DOCK3: variants seen among roughly 807,000 people sequenced by gnomAD.
DOCK3 encodes the protein dedicator of cytokinesis protein 3.
In DOCK3, 60 loss-of-function variants were observed where a neutral mutation model predicts 265.6. The ratio of observed to expected loss-of-function variants is 0.23; its 90% CI spans 0.18 to 0.28. The LOEUF (loss-of-function observed/expected upper bound fraction) is 0.28, where lower values mean the gene tolerates loss of function less well. Among genes scored for constraint, DOCK3 ranks in the 10% least tolerant of loss-of-function variants. DOCK3 has a pLI of 1.00. For missense variants in DOCK3, 1,981 were observed against 2,594.3 expected, an observed-to-expected ratio of 0.76 and a Z score of 5.14; for synonymous variants, 881 against 938.0, an observed-to-expected ratio of 0.94 and a Z score of 1.11.
At chr3:50,678,295 G>A (rs987317919) in intron 1 of DOCK3, among the ~76,000 whole-genome samples, 3 of 152,050 alleles carry the variant, frequency 2.0e-5, no homozygotes, top group Admixed American at 6.5e-5. Flanking sequence ...GGAAAGTCCT[G>A]CATCCTTCCA....
intron 3 of DOCK3, among the ~76,000 whole-genome samples, chr3:50,866,313 C>T (rs1431251335): frequency 1.3e-5 from 2 of 152,044 alleles, no homozygotes; most frequent in African/African-American, 4.8e-5. Context: ...GGTGAAATCC[C>T]GTCTCTACTA....
intron 27 of DOCK3, among the ~76,000 whole-genome samples, chr3:51,290,697 G>C (rs1157125678): frequency 6.6e-6 from 1 of 151,928 alleles, no homozygotes; most frequent in Non-Finnish European, 1.5e-5. Context: ...ATATATAAAA[G>C]AAAAAAGACA....
intron 7 of DOCK3, among the ~76,000 whole-genome samples, chr3:51,082,979 G>A (rs990902427): frequency 1.1e-4 from 17 of 152,098 alleles, no homozygotes; most frequent in African/African-American, 3.6e-4. Context: ...GTACCACCAC[G>A]GGGCCTGAGT....
intron 38 of DOCK3, among the ~76,000 whole-genome samples, chr3:51,343,203 G>C (rs992811171): frequency 1.3e-5 from 2 of 152,176 alleles, no homozygotes; most frequent in Non-Finnish European, 2.9e-5. Flanking sequence ...GAAGGGCAAG[G>C]AAAGAAAGGA....
At chr3:51,203,738 G>A (rs1411990596) in intron 12 of DOCK3, among the ~76,000 whole-genome samples, 3 of 152,180 alleles carry the variant, frequency 2.0e-5, no homozygotes, top group Non-Finnish European at 4.4e-5. Flanking sequence ...CAAAGCTGGA[G>A]GCATCACGCT....
chr3:50,788,653 T>A lies in DOCK3; in HGVS notation c.121+9895T>A, dbSNP rs146426014. On this transcript the variant is annotated intron_variant, in intron 2 of 52. Coordinates refer to ENST00000266037, the MANE Select transcript of DOCK3 (RefSeq NM_004947.5). ...AGGCTGGCCCCTCACTCCTGCCCAA[T>A]GTCTGTCCTCAGGACTGCTCCTCAG... is the stretch of plus-strand genomic sequence containing the variant. Among the ~76,000 whole-genome samples the A allele has an allele frequency of 2.0e-5, 3 of 152,322 alleles. No individual in the cohort carries two copies. In the East Asian group the frequency reaches 5.8e-4, roughly 29 times the overall value.
intron 1 of DOCK3, among the ~76,000 whole-genome samples, chr3:50,745,417 G>C (rs1161090962): frequency 1.3e-5 from 2 of 152,156 alleles, no homozygotes; most frequent in African/African-American, 4.8e-5. Context: ...TTAACAATAA[G>C]TCTTCCAATC....
chr3:51,042,905 A>T (rs1362100133), intron 5 of DOCK3, among the ~76,000 whole-genome samples: 1 of 152,158 alleles, frequency 6.6e-6, no homozygotes, highest in African/African-American at 2.4e-5. Context: ...AAAGATCTCT[A>T]CAAAGAGAAC....
intron 9 of DOCK3, among the ~76,000 whole-genome samples, chr3:51,103,213 T>C (rs2083151718): frequency 6.6e-6 from 1 of 151,946 alleles, no homozygotes; most frequent in African/African-American, 2.4e-5. Context: ...TGGAGAGAAA[T>C]ATATAGCAGA....
In DOCK3 at chr3:51,381,405, C is replaced by G. The variant is rs375230527; in HGVS notation, c.5939C>G (p.Pro1980Arg). The change falls in exon 53 of 53, where the codon CCC becomes CGC. Residue 1980 changes from proline (P) to arginine (R), a missense_variant. Physicochemically the swap from Pro to Arg is moderately radical, Grantham distance 103. Transcript: ENST00000266037. This position sits in a 1 kb window ranked among gnomAD's most constrained non-coding sequence, Gnocchi z 5.6. ...GCGCTGCCGCCCAAGCCCTACCACC[C>G]CCGCCTGCCGGCCCTGGAGCACGAT... is the stretch of plus-strand genomic sequence containing the variant. The part of the protein sequence containing the change: ...PPALPPKPYH[P>R]RLPALEHDEG... The G allele has an allele frequency of 1.3e-5, 21 of 1,612,364 alleles. No homozygotes were observed. Among genetic ancestry groups the G allele is most frequent in the Non-Finnish European group, 1.7e-6 (2 of 1,179,708 alleles).
At chr3:51,281,277 AT>A (rs1560345130) in intron 27 of DOCK3, among the ~76,000 whole-genome samples, 17 of 13,296 alleles carry the variant, frequency 1.3e-3, no homozygotes, top group Admixed American at 6.9e-3. Flanking sequence ...GAGCTAAAAT[AT>A]ATATATATAT....
At chr3:51,370,514 C>T (rs184064346) in intron 49 of DOCK3, among the ~76,000 whole-genome samples, 27 of 152,344 alleles carry the variant, frequency 1.8e-4, no homozygotes, top group African/African-American at 6.3e-4. Flanking sequence ...TCTTGGGGAC[C>T]TCACAGGCTG....
intron 5 of DOCK3, among the ~76,000 whole-genome samples, chr3:51,037,493 A>G (rs2080315036): frequency 6.6e-6 from 1 of 152,154 alleles, no homozygotes; most frequent in Non-Finnish European, 1.5e-5. Context: ...TTAGTCATGT[A>G]TTACATGCCC....
intron 2 of DOCK3, among the ~76,000 whole-genome samples, chr3:50,820,311 CAAGT>C (rs2044333128): frequency 6.6e-6 from 1 of 152,204 alleles, no homozygotes; most frequent in African/African-American, 2.4e-5. Flanking sequence ...TGCCCTGTGA[CAAGT>C]AGGAGCGATC....
intron 27 of DOCK3, among the ~76,000 whole-genome samples, chr3:51,284,351 C>T (rs1463920647): frequency 1.3e-5 from 2 of 152,144 alleles, no homozygotes; most frequent in Non-Finnish European, 2.9e-5. Flanking sequence ...CCTGTTTCTC[C>T]CTGGAAGGGG....
At chr3:50,948,401 C>CTTTTTTTTTT (rs59584829) in intron 5 of DOCK3, among the ~76,000 whole-genome samples, 3 of 98,650 alleles carry the variant, frequency 3.0e-5, no homozygotes, top group African/African-American at 1.2e-4. Context: ...AAGTTTTAAT[C>CTTTTTTTTTT]TTTTTTTTTT....
intron 1 of DOCK3, among the ~76,000 whole-genome samples, chr3:50,683,944 G>A (rs1397635367): frequency 6.6e-6 from 1 of 150,492 alleles, no homozygotes; most frequent in Admixed American, 6.7e-5. Flanking sequence ...GATTACAGGC[G>A]TGAGCCACCA....
At chr3:51,380,054 C>T (rs1262673582) in intron 51 of DOCK3, 71 bp from the exon 52 acceptor site, 2 of 1,474,864 alleles carry the variant, frequency 1.4e-6, no homozygotes, top group East Asian at 2.3e-5. Context: ...CCAGTTGGCC[C>T]AGCAAGATGG....
intron 7 of DOCK3, among the ~76,000 whole-genome samples, chr3:51,078,594 T>C (rs2082128587): frequency 6.6e-6 from 1 of 152,216 alleles, no homozygotes; most frequent in Admixed American, 6.5e-5. Context: ...TTTGGCTTCC[T>C]AATAGCAGCA....
Sources: allele counts gnomAD v4.1 joint callset (sites outside exome capture counted in the v4.1 genomes callset), GRCh38; gene constraint gnomAD v4.1.1; non-coding constraint Gnocchi (gnomAD v3.1); transcripts MANE v1.5; gene names NCBI Gene and HGNC (gene_info 2026-07-23, HGNC 2026-07-21).